IL4I1: variants seen among roughly 807,000 people sequenced by gnomAD.
IL4I1 encodes the protein interleukin 4 induced 1, also known as L-amino-acid oxidase.
A neutral mutation model predicts 29.7 loss-of-function variants in IL4I1; 24 were observed. That is an observed-to-expected ratio of 0.81 (90% CI 0.59 to 1.14). IL4I1 has a LOEUF of 1.14. Ranked by LOEUF, IL4I1 falls within the 50% of genes most tolerant of loss-of-function variation. IL4I1 has a pLI of 0.00. For synonymous variants in IL4I1, 371 were observed against 352.5 expected (o/e 1.05, Z -0.59); for missense variants, 686 against 785.6 (o/e 0.87, Z 1.52).
chr19:49,895,487 T>G (rs1197201143), intron 3 of IL4I1, among the ~76,000 whole-genome samples: 2 of 152,098 alleles, frequency 1.3e-5, no homozygotes, highest in Non-Finnish European at 2.9e-5. Flanking sequence ...AGTGAGTAGG[T>G]CAGTGGTTAG....
intron 2 of IL4I1, chr19:49,911,382 A>G (rs2075458423): frequency 6.6e-6 from 1 of 152,246 alleles, no homozygotes; most frequent in Non-Finnish European, 1.5e-5. Flanking sequence ...TCAAAAAAAC[A>G]AAAGAATAAT....
chr19:49,916,287 T>C (rs1250501462), intron 2 of IL4I1, among the ~76,000 whole-genome samples: 2 of 151,656 alleles, frequency 1.3e-5, no homozygotes, highest in East Asian at 3.9e-4. Flanking sequence ...TTTGGGAGGC[T>C]GAGGTGGGTG....
intron 2 of IL4I1, chr19:49,909,837 C>G (rs764815456): frequency 9.9e-6 from 16 of 1,611,406 alleles, no homozygotes; most frequent in Non-Finnish European, 1.4e-5. Flanking sequence ...GGCAGCTACT[C>G]TGGCTCCCAA....
chr19:49,907,274 G>A, intron 2 of IL4I1: 1 of 296,344 alleles, frequency 3.4e-6, no homozygotes, highest in Non-Finnish European at 6.5e-6. Flanking sequence ...TGAGCTTCGG[G>A]TAGCTGGGAA....
In IL4I1 at chr19:49,890,162, C is replaced by T. The variant is rs757552751; in HGVS notation, c.1212G>A (p.Ala404=). The T allele has an allele frequency of 1.3e-6, 2 of 1,541,968 alleles. No homozygotes were observed. The highest frequency in any genetic ancestry group is 1.2e-5 in the South Asian group (1 of 83,996). The change falls in exon 8 of 8, where the codon GCG becomes GCA. Residue 404 remains alanine, a synonymous_variant. Transcript: ENST00000391826. ...LLASYTWSDA[A]AAFAGLSREE... is the part of the protein sequence containing the mutation. ...CCCGGCTCAAGCCGGCGAACGCTGC[C>T]GCCGCGTCCGACCACGTGTACGAGG... is the stretch of plus-strand genomic sequence containing the variant.
intron 2 of IL4I1, among the ~76,000 whole-genome samples, chr19:49,924,222 A>AC (rs2075830320): frequency 1.3e-5 from 2 of 151,324 alleles, no homozygotes; most frequent in Middle Eastern, 3.4e-3. Flanking sequence ...GATTTTCACA[A>AC]CCCCCCTTAC....
intron 2 of IL4I1, chr19:49,907,537 CTTTTTTTTTTT>C (rs4009637): frequency 4.5e-5 from 15 of 332,848 alleles, no homozygotes; most frequent in Middle Eastern, 1.0e-3. Flanking sequence ...CTGGGAGTTT[CTTTTTTTTTTT>C]TTTTTTTTTT....
In IL4I1 at chr19:49,911,570, T is replaced by G. The variant is rs1482444011; in HGVS notation, c.-227-7249A>C. On this transcript the variant is annotated intron_variant, in intron 2 of 9. Coordinates refer to the IL4I1 transcript ENST00000341114. ...TACCCCCACCCCTTCCACTGCACCCTTCTGCTTCCTCACAGGCCCCTAAGT... is the reference window on the plus strand; with the variant it reads ...TACCCCCACCCCTTCCACTGCACCCGTCTGCTTCCTCACAGGCCCCTAAGT... 2.0e-5 allele frequency among the ~76,000 whole-genome samples: 3 copies of G among 152,218 alleles called. No homozygotes were observed. In the South Asian group the frequency reaches 6.2e-4, roughly 32 times the overall value.
At chr19:49,912,565 C>T (rs1465378547) in intron 2 of IL4I1, among the ~76,000 whole-genome samples, 1 of 152,174 alleles carries the variant, frequency 6.6e-6, no homozygotes, top group Non-Finnish European at 1.5e-5. Context: ...CAGCCCTGAT[C>T]CACGCAGTTT....
upstream of IL4I1, among the ~76,000 whole-genome samples, chr19:49,898,374 C>T (rs148130241): frequency 1.3e-3 from 203 of 152,260 alleles, 1 homozygote; most frequent in African/African-American, 4.6e-3. Flanking sequence ...TGCGGAGGCT[C>T]ACTGCTGTAA....
chr19:49,893,714 G>T (rs947879605), intron 5 of IL4I1, among the ~76,000 whole-genome samples: 4 of 151,836 alleles, frequency 2.6e-5, no homozygotes, highest in Non-Finnish European at 5.9e-5. Context: ...TGGGGCCGGG[G>T]GCAGTGGCTC....
intron 2 of IL4I1, among the ~76,000 whole-genome samples, chr19:49,915,864 T>C (rs931178988): frequency 3.3e-5 from 5 of 152,160 alleles, no homozygotes; most frequent in Non-Finnish European, 7.3e-5. Context: ...CGATAGGCCA[T>C]CTATGATGGG....
At chr19:49,923,886 T>G (rs540936151) in intron 2 of IL4I1, among the ~76,000 whole-genome samples, 1 of 152,214 alleles carries the variant, frequency 6.6e-6, no homozygotes, top group Non-Finnish European at 1.5e-5. Context: ...GCTCGGCAGA[T>G]GAGGGCCCTG....
chr19:49,923,622 G>A (rs1600556371), intron 2 of IL4I1, among the ~76,000 whole-genome samples: 1 of 152,242 alleles, frequency 6.6e-6, no homozygotes, highest in African/African-American at 2.4e-5. Flanking sequence ...AGGCCCCAGA[G>A]CAGGAACTAC....
rs199516038 is a variant in IL4I1 at position 49,896,022 on chromosome 19, G to A, written c.45C>T (p.Leu15=). The A allele has an allele frequency of 4.4e-5, 71 of 1,614,206 alleles. No individual in the cohort carries two copies. The East Asian group carries it at 1.5e-3, about 34-fold the overall frequency. ...ALHLLVLVPI[L]LSLVASQDWK... ...AGTCCTGGGAGGCCACCAGGCTGAG[G>A]AGGATGGGGACGAGGACGAGGAGGT... Residue 15 remains leucine, a synonymous_variant, in exon 3 of 8, where the codon CTC becomes CTT. Transcript: ENST00000391826.
intron 2 of IL4I1, among the ~76,000 whole-genome samples, chr19:49,920,091 T>A (rs1238666852): frequency 6.7e-6 from 1 of 150,068 alleles, no homozygotes; most frequent in East Asian, 1.9e-4. Context: ...ACCAGCTAAT[T>A]TTTTTTTTTT....
chr19:49,896,285 C>T, intron 1 of IL4I1, 103 bp from the exon 2 acceptor site: 2 of 1,350,116 alleles, frequency 1.5e-6, no homozygotes, highest in Admixed American at 2.8e-5. Flanking sequence ...CCGGCCCTCC[C>T]CCAGTCACTG....
chr19:49,903,181 T>G (rs2122558637), intron 3 of IL4I1, among the ~76,000 whole-genome samples: 1 of 152,180 alleles, frequency 6.6e-6, no homozygotes, highest in South Asian at 2.1e-4. Context: ...CCATATTGCA[T>G]TTGAGTGACA....
At position 49,914,726 on chromosome 19, in the gene IL4I1, G is replaced by GTTTTTTTT. The variant is rs530372497; in HGVS notation, c.-227-10413_-227-10406dup. 4.5e-3 allele frequency among the ~76,000 whole-genome samples: 253 copies of GTTTTTTTT among 56,398 alleles called. 57 individuals carry two copies. The highest frequency in any genetic ancestry group is 5.2e-3 in the African/African-American group (80 of 15,448). The allele number at this position is 56,398 out of a possible 152,430, so 37.0% of individuals were successfully genotyped here. A position where few individuals can be genotyped will look rare whatever the true frequency, so the allele number is the denominator to read the frequency against. On this transcript the variant is annotated intron_variant, in intron 2 of 9. Transcript: ENST00000341114. ...GATTCTTGTGCCACTCCAAGTCCCA[G>GTTTTTTTT]TTTTTTTTTTTTTTTTTTTTTTTTT...
Sources: allele counts gnomAD v4.1 joint callset (sites outside exome capture counted in the v4.1 genomes callset), GRCh38; gene constraint gnomAD v4.1.1; transcripts MANE v1.5; gene names NCBI Gene and HGNC (gene_info 2026-07-23, HGNC 2026-07-21).